Variants in SMARCD3 observed in about 807,000 individuals in gnomAD.
SMARCD3 encodes SWI/SNF-related matrix-associated actin-dependent regulator of chromatin subfamily D member 3.
SMARCD3 carries 14 observed loss-of-function variants against 58.0 expected under a neutral mutation model. The ratio of observed to expected loss-of-function variants is 0.24; its 90% confidence interval spans 0.16 to 0.38. The LOEUF (loss-of-function observed/expected upper bound fraction) is 0.38, where lower values mean the gene tolerates loss of function less well. Among genes scored for constraint, SMARCD3 ranks in the 10% least tolerant of loss-of-function variants. The pLI is 1.00. For missense variants in SMARCD3, 408 were observed against 636.9 expected (o/e 0.64, Z 3.87); for synonymous variants, 253 against 253.8 (o/e 1.00, Z 0.03).
chr7:151,260,349 C>T (rs1280772781), intron 2 of SMARCD3, among the ~76,000 whole-genome samples: 1 of 152,194 alleles, frequency 6.6e-6, no homozygotes, highest in Non-Finnish European at 1.5e-5. Flanking sequence ...GTTTTAAACA[C>T]ACCCCTCAAA....
chr7:151,242,820 G>C lies in SMARCD3; in HGVS notation c.357C>G (p.Ser119=), dbSNP rs1199221378. 19 of 1,614,026 alleles carry C rather than the reference G, an allele frequency of 1.2e-5. No homozygotes were observed. The Admixed American group carries it at 1.5e-4, about 13-fold the overall frequency. ...ATGCCAAGAGGTCCATGTAAGCCTG[G>C]GACTCGGGGACCAGCTCCCGAATCT... ...PQRIRELVPE[S]QAYMDLLAFE... The change falls in exon 4 of 13, where the codon TCC becomes TCG. Residue 119 remains serine (S), a synonymous_variant. Coordinates refer to ENST00000262188, the MANE Select transcript of SMARCD3 (RefSeq NM_001003801.2). This position sits in a 1 kb window ranked among gnomAD's most constrained non-coding sequence, Gnocchi z 4.7.
At chr7:151,248,793 C>T (rs1478666216), upstream of SMARCD3, 2 of 655,418 alleles carry the variant, frequency 3.1e-6, no homozygotes, top group African/African-American at 2.0e-5. This position sits in a 1 kb window ranked among gnomAD's most constrained non-coding sequence, Gnocchi z 6.1. Context: ...CGCATTCCTG[C>T]ACTGATAAGA....
At position 151,239,835 on chromosome 7, in the gene SMARCD3, G is replaced by A. The variant is rs1294898240; in HGVS notation, c.1174-89C>T. On this transcript the variant is annotated intron_variant, in intron 10 of 12. Coordinates refer to ENST00000262188, the MANE Select transcript of SMARCD3 (RefSeq NM_001003801.2). The surrounding 1 kb of genome is among the most constrained non-coding windows in gnomAD (Gnocchi z 7.0). Reference sequence around the variant, plus strand: ...AAGCGGGTGGGAAGGGGAGGGAGAGGGGGTTTCTTCTGTGAAGGACAACCC... The same window carrying A: ...AAGCGGGTGGGAAGGGGAGGGAGAGAGGGTTTCTTCTGTGAAGGACAACCC... 1 of 1,376,208 alleles carries A rather than the reference G, an allele frequency of 7.3e-7. No individual in the cohort carries two copies. Among genetic ancestry groups the A allele is most frequent in the Non-Finnish European group, 1.0e-6 (1 of 978,382 alleles). 85.2% of individuals were successfully genotyped at this position (1,376,208 alleles called of 1,614,324 possible). A position where few individuals can be genotyped will look rare whatever the true frequency, so the allele number is the denominator to read the frequency against.
intron 2 of SMARCD3, among the ~76,000 whole-genome samples, chr7:151,272,451 T>C (rs1293875091): frequency 6.6e-6 from 1 of 152,130 alleles, no homozygotes; most frequent in Non-Finnish European, 1.5e-5. Context: ...CCCTGTGTCT[T>C]CCTCTCCCTC....
chr7:151,267,612 G>C (rs1280905141), intron 2 of SMARCD3, among the ~76,000 whole-genome samples: 1 of 152,182 alleles, frequency 6.6e-6, no homozygotes, highest in Non-Finnish European at 1.5e-5. Context: ...CTGTTCTAGG[G>C]GGAGGGTCCT....
chr7:151,258,656 C>T (rs865975812), intron 2 of SMARCD3, among the ~76,000 whole-genome samples: 11 of 151,982 alleles, frequency 7.2e-5, no homozygotes, highest in African/African-American at 2.7e-4. Context: ...CATCTTATTC[C>T]GAGCAAGGGC....
In SMARCD3 at chr7:151,243,816, C is replaced by G; in HGVS notation, c.291-115G>C. ...CCCGCCTGGCTGGGGTTCCCACAGCCCACTTGTCTGCCCGCCCAAGGGCTG... is the reference window on the plus strand; with the variant it reads ...CCCGCCTGGCTGGGGTTCCCACAGCGCACTTGTCTGCCCGCCCAAGGGCTG... On this transcript the variant is annotated intron_variant, in intron 2 of 12. Transcript: ENST00000262188. This position sits in a 1 kb window ranked among gnomAD's most constrained non-coding sequence, Gnocchi z 4.4. The G allele has an allele frequency of 1.2e-6, 1 of 800,988 alleles. No individual in the cohort carries two copies. The highest frequency in any genetic ancestry group is 2.2e-6 in the Non-Finnish European group (1 of 446,560). The allele number at this position is 800,988 out of a possible 1,614,324, so 49.6% of individuals were successfully genotyped here. A position where few individuals can be genotyped will look rare whatever the true frequency, so the allele number is the denominator to read the frequency against.
rs1345356516 is a variant in SMARCD3, at chr7:151,241,862, A to G, written c.777+15T>C. 4 of 1,599,610 alleles carry G rather than the reference A, an allele frequency of 2.5e-6. No individual in the cohort carries two copies. The highest frequency in any genetic ancestry group is 1.3e-5 in the African/African-American group (1 of 74,872). On this transcript the variant is annotated intron_variant, in intron 7 of 12. Transcript: ENST00000262188. The surrounding 1 kb of genome is among the most constrained non-coding windows in gnomAD (Gnocchi z 5.3). ...CCTTGTGTGGCGTGTACGGGGCAGC[A>G]TGGCAGGTGCAGACCTGGTAGTCCA...
intron 2 of SMARCD3, among the ~76,000 whole-genome samples, chr7:151,259,601 GTT>G (rs112223142): frequency 4.3e-5 from 3 of 70,524 alleles, no homozygotes; most frequent in Non-Finnish European, 5.1e-5. Context: ...CAACCTGAGA[GTT>G]TTTTTTTTTT....
At position 151,245,804 on chromosome 7, in the gene SMARCD3, T is replaced by G. The variant is rs941177612; in HGVS notation, c.79-133A>C. On this transcript the variant is annotated intron_variant, in intron 1 of 12. Coordinates refer to ENST00000262188, the MANE Select transcript of SMARCD3 (RefSeq NM_001003801.2). The surrounding 1 kb of genome is among the most constrained non-coding windows in gnomAD (Gnocchi z 6.2). ...GCTGGTGACCCTGAGCGTTGAGCGA[T>G]GGGTGGGAGCGATGGGTAGGAGGGG... 40 of 381,780 alleles carry G rather than the reference T, an allele frequency of 1.0e-4. 1 individual carries two copies. The highest frequency in any genetic ancestry group is 1.5e-4 in the Non-Finnish European group (32 of 215,596). The allele number at this position is 381,780 out of a possible 1,614,324, so 23.6% of individuals were successfully genotyped here. A position where few individuals can be genotyped will look rare whatever the true frequency, so the allele number is the denominator to read the frequency against.
chr7:151,239,474 G>T lies in SMARCD3; in HGVS notation c.1320C>A (p.Asn440Lys). The T allele has an allele frequency of 1.2e-6, 2 of 1,613,806 alleles. No homozygotes were observed. The highest frequency in any genetic ancestry group is 1.7e-6 in the Non-Finnish European group (2 of 1,179,940). The change falls in exon 12 of 13, where the codon AAC (asparagine) becomes AAA (lysine). Residue 440 changes from asparagine (N) to lysine (K), a missense_variant. Coordinates refer to ENST00000262188, the MANE Select transcript of SMARCD3 (RefSeq NM_001003801.2). The surrounding 1 kb of genome is among the most constrained non-coding windows in gnomAD (Gnocchi z 7.0). ...DLKVMTDVAG[N>K]PEEERRAEFY... ...ACTCAGCCCGGCGCTCCTCTTCAGG[G>T]TTGCCGGCTACATCTGTCATCACCT...
intron 2 of SMARCD3, among the ~76,000 whole-genome samples, chr7:151,258,465 T>C (rs1433496783): frequency 6.7e-6 from 1 of 149,844 alleles, no homozygotes; most frequent in East Asian, 2.0e-4. Context: ...CTTGGGAGGC[T>C]GAGGCAGGAG....
rs1375261936 is a variant in SMARCD3, at chr7:151,243,773, AT to A, written c.291-73del. The A allele has an allele frequency of 5.5e-6, 6 of 1,084,994 alleles. No homozygotes were observed. In the African/African-American group the frequency reaches 9.3e-5, roughly 17 times the overall value. The allele number at this position is 1,084,994 out of a possible 1,614,324, so 67.2% of individuals were successfully genotyped here. On this transcript the variant is annotated intron_variant, in intron 2 of 12. Coordinates refer to ENST00000262188, the MANE Select transcript of SMARCD3 (RefSeq NM_001003801.2). The surrounding 1 kb of genome is among the most constrained non-coding windows in gnomAD (Gnocchi z 4.4). ...TGGGCGTAACGAGGCCACCTGCTAG[AT>A]TATCCCGACATCTCCGCCCGCCTGG...
chr7:151,275,026 G>C (rs895961359), intron 2 of SMARCD3: 20 of 1,067,396 alleles, frequency 1.9e-5, no homozygotes, highest in Non-Finnish European at 2.7e-5. Context: ...AGGGGGCCAT[G>C]TGGTGGGAGC....
At position 151,239,894 on chromosome 7, in the gene SMARCD3, G is replaced by A. The variant is rs145896276; in HGVS notation, c.1174-148C>T. 1 of 989,882 alleles carries A rather than the reference G, an allele frequency of 1.0e-6. No individual in the cohort carries two copies. The highest frequency in any genetic ancestry group is 2.5e-5 in the East Asian group (1 of 39,454). 61.3% of individuals were successfully genotyped at this position (989,882 alleles called of 1,614,324 possible). A position where few individuals can be genotyped will look rare whatever the true frequency, so the allele number is the denominator to read the frequency against. The stretch of plus-strand genomic sequence containing the variant: ...CCCTGATTTCTCTGAAGTCCCAGGG[G>A]AGGAGGGGATGGGCAGAACTAAACT... On this transcript the variant is annotated intron_variant, in intron 10 of 12. Transcript: ENST00000262188. The surrounding 1 kb of genome is among the most constrained non-coding windows in gnomAD (Gnocchi z 7.0).
chr7:151,256,581 G>A (rs555483224), intron 2 of SMARCD3, among the ~76,000 whole-genome samples: 39 of 152,206 alleles, frequency 2.6e-4, no homozygotes, highest in East Asian at 3.9e-4. Context: ...CACCCCACCC[G>A]GTCTCATTGT....
At chr7:151,259,429 T>TGTGTG (rs1422747240) in intron 2 of SMARCD3, among the ~76,000 whole-genome samples, 2 of 96,456 alleles carry the variant, frequency 2.1e-5, no homozygotes, top group African/African-American at 4.1e-5. Flanking sequence ...GTGTGTGTGT[T>TGTGTG]TCTAAAGGAG....
chr7:151,276,313 G>A (rs1176389211), intron 1 of SMARCD3, among the ~76,000 whole-genome samples: 1 of 150,414 alleles, frequency 6.6e-6, no homozygotes, highest in Non-Finnish European at 1.5e-5. Context: ...GCAGGGGAAG[G>A]AGGGAAGGTG....
chr7:151,261,635 C>G (rs1803920810), intron 2 of SMARCD3, among the ~76,000 whole-genome samples: 1 of 152,218 alleles, frequency 6.6e-6, no homozygotes, highest in African/African-American at 2.4e-5. Flanking sequence ...AGTGGTCCTG[C>G]CTGCCTGTCT....
Sources: allele counts gnomAD v4.1 joint callset (sites outside exome capture counted in the v4.1 genomes callset), GRCh38; gene constraint gnomAD v4.1.1; non-coding constraint Gnocchi (gnomAD v3.1); transcripts MANE v1.5; gene names NCBI Gene and HGNC (gene_info 2026-07-23, HGNC 2026-07-21).